TAFA5: variants seen among roughly 807,000 people sequenced by gnomAD.
TAFA5 encodes TAFA chemokine like family member 5.
In TAFA5, 6 loss-of-function variants were observed where a neutral mutation model predicts 15.3. The ratio of observed to expected loss-of-function variants is 0.39; its 90% CI spans 0.21 to 0.77. The LOEUF is 0.77. Ranked by LOEUF, TAFA5 falls within the 30% of genes least tolerant of loss-of-function variation. The pLI, the probability that TAFA5 is intolerant of heterozygous loss-of-function variation, is 0.41. For missense variants in TAFA5, 161 were observed against 193.1 expected, an observed-to-expected ratio of 0.83 and a Z score of 0.98; for synonymous variants, 103 against 80.7, an observed-to-expected ratio of 1.28 and a Z score of -1.48.
At chr22:48,541,179 G>GGGGCGTTTGTACAGGGCCTT (rs1337105854) in intron 1 of TAFA5, among the ~76,000 whole-genome samples, 2 of 152,096 alleles carry the variant, frequency 1.3e-5, no homozygotes, top group African/African-American at 4.8e-5. Flanking sequence ...CTGTCCTCCC[G>GGGGCGTTTGTACAGGGCCTT]GGGCGTTTGT....
At chr22:48,508,413 A>C in intron 1 of TAFA5, among the ~76,000 whole-genome samples, 1 of 150,786 alleles carries the variant, frequency 6.6e-6, no homozygotes, top group Non-Finnish European at 1.5e-5. Flanking sequence ...GTTTGGAAGT[A>C]AGAAAAGGAA....
chr22:48,646,022 A>G (rs1307366660), intron 1 of TAFA5, among the ~76,000 whole-genome samples: 9 of 152,126 alleles, frequency 5.9e-5, no homozygotes, highest in Admixed American at 5.9e-4. Context: ...TTTGGCATCG[A>G]TGCACACAGT....
intron 2 of TAFA5, among the ~76,000 whole-genome samples, chr22:48,701,555 T>C (rs130133): frequency 0.79 from 120,333 of 152,136 alleles, 48,030 homozygotes; most frequent in African/African-American, 0.89. Context: ...TTTAACTCGG[T>C]CCCTGTCACC....
intron 1 of TAFA5, among the ~76,000 whole-genome samples, chr22:48,531,696 G>A (rs1208629942): frequency 1.3e-5 from 2 of 152,292 alleles, no homozygotes; most frequent in Non-Finnish European, 2.9e-5. Context: ...TGTCAGTCTC[G>A]CGCCAGAGAC....
chr22:48,695,166 TTGTG>T (rs372924189), intron 2 of TAFA5, among the ~76,000 whole-genome samples: 1 of 150,890 alleles, frequency 6.6e-6, no homozygotes, highest in Non-Finnish European at 1.5e-5. Context: ...TGTGTGCACA[TTGTG>T]TGTGTGTGTG....
intron 1 of TAFA5, among the ~76,000 whole-genome samples, chr22:48,635,079 T>TGGGCCTG (rs1167167296): frequency 2.0e-5 from 3 of 152,218 alleles, no homozygotes; most frequent in Non-Finnish European, 2.9e-5. Context: ...CGGGCTGTTC[T>TGGGCCTG]GGGCCTGGGG....
chr22:48,749,755 G>T (rs1433630352), intron 3 of TAFA5, 84 bp from the exon 4 acceptor site: 2 of 1,485,398 alleles, frequency 1.3e-6, no homozygotes, highest in Non-Finnish European at 1.8e-6. Flanking sequence ...GGCAGGAGCC[G>T]GGGAGGGAAG....
chr22:48,586,974 A>G (rs1401358433), intron 1 of TAFA5, among the ~76,000 whole-genome samples: 2 of 152,224 alleles, frequency 1.3e-5, no homozygotes, highest in African/African-American at 2.4e-5. Flanking sequence ...CCTACCCCAC[A>G]TGGGGACTCT....
chr22:48,532,857 G>A (rs1366427220), intron 1 of TAFA5, among the ~76,000 whole-genome samples: 2 of 152,190 alleles, frequency 1.3e-5, no homozygotes, highest in Non-Finnish European at 2.9e-5. Flanking sequence ...CCTAGGATTT[G>A]GAGGACACAG....
At chr22:48,567,979 C>T (rs919794702) in intron 1 of TAFA5, among the ~76,000 whole-genome samples, 5 of 152,210 alleles carry the variant, frequency 3.3e-5, no homozygotes, top group African/African-American at 7.2e-5. Context: ...ATGGATCCAC[C>T]GTGGGCAGCG....
At chr22:48,548,797 C>G (rs9615342) in intron 1 of TAFA5, among the ~76,000 whole-genome samples, 2 of 152,232 alleles carry the variant, frequency 1.3e-5, no homozygotes, top group African/African-American at 4.8e-5. Context: ...GCCTAACAAC[C>G]GAAGTCTCTT....
intron 2 of TAFA5, among the ~76,000 whole-genome samples, chr22:48,703,940 A>C (rs2147248397): frequency 6.6e-6 from 1 of 152,302 alleles, no homozygotes; most frequent in South Asian, 2.1e-4. Context: ...TGAAGGGCTC[A>C]CTTCACCTGA....
At chr22:48,553,877 C>T (rs1458976361) in intron 1 of TAFA5, among the ~76,000 whole-genome samples, 1 of 152,186 alleles carries the variant, frequency 6.6e-6, no homozygotes, top group Non-Finnish European at 1.5e-5. Context: ...GTTTGATGCT[C>T]ATTAGGTGAT....
chr22:48,564,094 C>T (rs1050499980), intron 1 of TAFA5, among the ~76,000 whole-genome samples: 6 of 152,212 alleles, frequency 3.9e-5, no homozygotes, highest in African/African-American at 1.2e-4. Context: ...GTGGAGCGGG[C>T]GGGGAGTGCG....
intron 1 of TAFA5, among the ~76,000 whole-genome samples, chr22:48,520,558 G>T (rs1022849692): frequency 6.6e-6 from 1 of 152,232 alleles, no homozygotes; most frequent in South Asian, 2.1e-4. Flanking sequence ...CTTTGTTGGG[G>T]ATGGAGAGTC....
In TAFA5 at chr22:48,523,562, G is replaced by A. The variant is rs571865834; in HGVS notation, c.112+33858G>A. On this transcript the variant is annotated intron_variant, in intron 1 of 3. Transcript: ENST00000402357. ...CTCTGCCTTCACCCACACGGGGCTT[G>A]GTGCCACATCCCAGGTGCTGCTCCT... is the stretch of plus-strand genomic sequence containing the variant. Among the ~76,000 whole-genome samples, 3 of 152,308 alleles carry A rather than the reference G, an allele frequency of 2.0e-5. No individual in the cohort carries two copies. In the South Asian group the frequency reaches 6.2e-4, roughly 32 times the overall value.
At chr22:48,701,662 A>G (rs1477850441) in intron 2 of TAFA5, among the ~76,000 whole-genome samples, 1 of 152,202 alleles carries the variant, frequency 6.6e-6, no homozygotes, top group Non-Finnish European at 1.5e-5. Flanking sequence ...GAGCCTGAAC[A>G]AGGCTGTGCG....
At chr22:48,658,481 G>T (rs1927324624) in intron 2 of TAFA5, among the ~76,000 whole-genome samples, 1 of 152,360 alleles carries the variant, frequency 6.6e-6, no homozygotes, top group Non-Finnish European at 1.5e-5. Flanking sequence ...AAGCCACGCT[G>T]CATCTTGCGT....
intron 3 of TAFA5, among the ~76,000 whole-genome samples, chr22:48,732,616 T>C (rs964070584): frequency 4.6e-5 from 7 of 152,150 alleles, no homozygotes; most frequent in African/African-American, 1.7e-4. Context: ...ATTGTGGAAA[T>C]GATGACATAG....
Sources: allele counts gnomAD v4.1 joint callset (sites outside exome capture counted in the v4.1 genomes callset), GRCh38; gene constraint gnomAD v4.1.1; transcripts MANE v1.5; gene names NCBI Gene and HGNC (gene_info 2026-07-23, HGNC 2026-07-21).